CYB5R2: variants seen among roughly 807,000 people sequenced by gnomAD.
CYB5R2 encodes the protein cytochrome b5 reductase 2.
In CYB5R2, 35 loss-of-function variants were observed where a neutral mutation model predicts 29.8. The ratio of observed to expected loss-of-function variants is 1.17; its 90% CI spans 0.90 to 1.56. The LOEUF (loss-of-function observed/expected upper bound fraction) is 1.56. Among genes scored for constraint, CYB5R2 ranks in the 40% most tolerant of loss-of-function variants. The probability of loss-of-function intolerance (pLI) is 0.00; values close to 1 mark genes in which losing one functional copy is unlikely to be tolerated. For missense variants in CYB5R2, 419 were observed against 346.7 expected, an observed-to-expected ratio of 1.21 and a Z score of -1.66; for synonymous variants, 169 against 130.6, an observed-to-expected ratio of 1.29 and a Z score of -2.01.
intron 6 of CYB5R2, 112 bp from the exon 7 acceptor site, chr11:7,667,925 T>G (rs958964084): frequency 9.2e-6 from 8 of 871,354 alleles, no homozygotes; most frequent in Non-Finnish European, 1.5e-5. Flanking sequence ...TTTTCTCACT[T>G]CTGTCCCCAA....
At chr11:7,672,725 C>T (rs763630271) in intron 2 of CYB5R2, 23 bp downstream of exon 2, 3 of 1,613,938 alleles carry the variant, frequency 1.9e-6, no homozygotes, top group Admixed American at 1.7e-5. Flanking sequence ...TACTGCCTTC[C>T]ACCCACAGGG....
chr11:7,668,593 C>T (rs1406643286), intron 5 of CYB5R2, 32 bp from the exon 6 acceptor site: 2 of 1,550,508 alleles, frequency 1.3e-6, no homozygotes, highest in Non-Finnish European at 8.9e-7. Context: ...ATGACCTCTG[C>T]AGTTCTTGCC....
chr11:7,667,539 T>G, intron 7 of CYB5R2, 189 bp downstream of exon 7: 1 of 589,742 alleles, frequency 1.7e-6, no homozygotes, highest in South Asian at 2.1e-5. Flanking sequence ...ACAAAAGAGT[T>G]AAATACATGC....
At chr11:7,670,363 AAAAAATT>A (rs1855652052) in intron 3 of CYB5R2, 1 of 147,018 alleles carries the variant, frequency 6.8e-6, no homozygotes, top group Admixed American at 6.7e-5. Flanking sequence ...AAAAAAAAAA[AAAAAATT>A]AGAAAGGAAT....
intron 3 of CYB5R2, chr11:7,672,247 G>T (rs747470246): frequency 1.2e-5 from 7 of 561,200 alleles, no homozygotes; most frequent in Middle Eastern, 4.7e-4. Flanking sequence ...TACCACTCTC[G>T]TGTCAGCCCA....
rs368476375 is a variant in CYB5R2 at position 7,669,260 on chromosome 11, G to C, written c.333C>G (p.Ile111Met). The change falls in exon 5 of 9, where the codon ATC (isoleucine) becomes ATG (methionine). Residue 111 changes from isoleucine (I) to methionine (M), a missense_variant. Ile to Met is a conservative substitution (Grantham distance 10). Transcript: ENST00000299498. ...KMTQYLENMKIGETIFFRGPR... is the reference protein window; with the variant it reads ...KMTQYLENMKMGETIFFRGPR... ...GCCCTCGAAAAAAGATGGTCTCCCC[G>C]ATTTTCATGTTCTCCAAATACTGAG... is the stretch of plus-strand genomic sequence containing the variant. The C allele has an allele frequency of 6.2e-7, 1 of 1,614,094 alleles. No individual in the cohort carries two copies. Among genetic ancestry groups the C allele is most frequent in the Non-Finnish European group, 8.5e-7 (1 of 1,179,986 alleles).
Position 7,665,450 on chromosome 11 carries a change from G to A in CYB5R2, c.755C>T (p.Pro252Leu). 6.2e-7 allele frequency: 1 copy of A among 1,613,724 alleles called. No homozygotes were observed. Among genetic ancestry groups the A allele is most frequent in the Non-Finnish European group, 8.5e-7 (1 of 1,179,864 alleles). Residue 252 changes from proline (P) to leucine (L), a missense_variant, in exon 9 of 9, where the codon CCA becomes CTA. Coordinates refer to ENST00000299498, the MANE Select transcript of CYB5R2 (RefSeq NM_016229.5). ...KSTLILVCGP[P>L]PLIQTAAHPN... Reference sequence around the variant, plus strand: ...GTGAGCCGCCGTCTGGATTAGTGGTGGCGGGCCACACACCAGGATGAGCGT... The same window carrying A: ...GTGAGCCGCCGTCTGGATTAGTGGTAGCGGGCCACACACCAGGATGAGCGT...
intron 1 of CYB5R2, 123 bp from the exon 2 acceptor site, chr11:7,673,014 A>G (rs1392158433): frequency 1.1e-6 from 1 of 946,928 alleles, no homozygotes; most frequent in Non-Finnish European, 1.6e-6. Flanking sequence ...TGCAGGAAAT[A>G]GGCAAAGAGA....
chr11:7,672,920 T>A, intron 1 of CYB5R2, 29 bp from the exon 2 acceptor site: 1 of 1,593,866 alleles, frequency 6.3e-7, no homozygotes, highest in Non-Finnish European at 8.5e-7. Context: ...ACAGAGCACC[T>A]CAGGTCTTGC....
At position 7,665,467 on chromosome 11, in the gene CYB5R2, G is replaced by A; in HGVS notation, c.738C>T (p.Ile246=). ...HLPPPAKSTL[I]LVCGPPPLIQ... is the part of the protein sequence containing the mutation. Reference sequence around the variant, plus strand: ...TTAGTGGTGGCGGGCCACACACCAGGATGAGCGTGGACTTCGCTGGAGGAG... The same window carrying A: ...TTAGTGGTGGCGGGCCACACACCAGAATGAGCGTGGACTTCGCTGGAGGAG... The change falls in exon 9 of 9, where the codon ATC becomes ATT. Residue 246 remains isoleucine (I), a synonymous_variant. Transcript: ENST00000299498. 1.2e-6 allele frequency: 2 copies of A among 1,613,978 alleles called. No homozygotes were observed. The highest frequency in any genetic ancestry group is 1.1e-5 in the South Asian group (1 of 91,002).
chr11:7,666,743 TCCTCCATGTGGATGAAGAA>T lies in CYB5R2; in HGVS notation c.559-212_559-194del, dbSNP rs1442672306. 3.8e-4 allele frequency: 183 copies of T among 487,076 alleles called. No homozygotes were observed. The East Asian group carries it at 6.3e-3, about 17-fold the overall frequency. The allele number at this position is 487,076 out of a possible 1,614,324, so 30.2% of individuals were successfully genotyped here. On this transcript the variant is annotated intron_variant, in intron 7 of 8. Coordinates refer to ENST00000299498, the MANE Select transcript of CYB5R2 (RefSeq NM_016229.5). ...AAACCCTTTGTTTTGTGGATGAAGT[TCCTCCATGTGGATGAAGAA>T]CCTCCATGGGATGTAGGTTCCCATG...
intron 3 of CYB5R2, chr11:7,672,228 T>C: frequency 5.6e-6 from 3 of 535,506 alleles, no homozygotes; most frequent in Non-Finnish European, 1.0e-5. Context: ...TTTTCAATGC[T>C]CACTGAGGTA....
chr11:7,668,453 G>C (rs1855494285), intron 6 of CYB5R2, 25 bp downstream of exon 6: 1 of 1,585,476 alleles, frequency 6.3e-7, no homozygotes, highest in Non-Finnish European at 8.7e-7. Context: ...TCACTCTCTG[G>C]ATGGAGCCCC....
intron 3 of CYB5R2, 82 bp from the exon 4 acceptor site, chr11:7,669,813 AG>A: frequency 9.9e-7 from 1 of 1,007,526 alleles, no homozygotes; most frequent in Non-Finnish European, 1.6e-6. Flanking sequence ...GCTTCAGTGA[AG>A]GGAGCAAATA....
intron 7 of CYB5R2, chr11:7,667,404 T>C (rs1358983300): frequency 5.7e-6 from 1 of 174,518 alleles, no homozygotes; most frequent in Non-Finnish European, 1.2e-5. Context: ...AGTAAGTAAA[T>C]ATTTATATTC....
At chr11:7,665,834 T>C (rs749381060) in intron 8 of CYB5R2, 76 of 1,534,706 alleles carry the variant, frequency 5.0e-5, no homozygotes, top group Non-Finnish European at 5.8e-5. Flanking sequence ...TACCGAGGTG[T>C]GTGAATCAGT....
chr11:7,667,104 ACTC>A (rs1435176931), intron 7 of CYB5R2: 1 of 151,486 alleles, frequency 6.6e-6, no homozygotes, highest in African/African-American at 2.4e-5. Context: ...GGATCTTAAA[ACTC>A]CTCATGATTC....
Position 7,665,465 on chromosome 11 carries a change from AG to A in CYB5R2, c.739del (p.Leu247TrpfsTer8). 6.2e-7 allele frequency: 1 copy of A among 1,613,948 alleles called. No homozygotes were observed. The highest frequency in any genetic ancestry group is 8.5e-7 in the Non-Finnish European group (1 of 1,179,946). On this transcript the variant is annotated frameshift_variant, in exon 9 of 9. Transcript: ENST00000299498. LOFTEE classifies it high-confidence loss of function. ...LPPPAKSTLI[L>X]VCGPPPLIQT... ...GATTAGTGGTGGCGGGCCACACACC[AG>A]GATGAGCGTGGACTTCGCTGGAGGA...
rs1238553590 is a variant in CYB5R2 at position 7,666,605 on chromosome 11, G to A, written c.559-55C>T. The A allele has an allele frequency of 6.8e-6, 9 of 1,320,196 alleles. No individual in the cohort carries two copies. In the South Asian group the frequency reaches 7.3e-5, roughly 11 times the overall value. The allele number at this position is 1,320,196 out of a possible 1,614,324, so 81.8% of individuals were successfully genotyped here. A position where few individuals can be genotyped will look rare whatever the true frequency, so the allele number is the denominator to read the frequency against. The stretch of plus-strand genomic sequence containing the variant: ...CTCCAGGGCCATCCTCTTGTTCCCT[G>A]GACTGACTACACCGGTCAGCATACT... On this transcript the variant is annotated intron_variant, in intron 7 of 8. Transcript: ENST00000299498.
Sources: gnomAD v4.1 joint callset for allele counts on GRCh38, gnomAD v4.1.1 for gene constraint, MANE v1.5 for transcripts, NCBI Gene and HGNC (gene_info 2026-07-23, HGNC 2026-07-21) for gene names.